Variants in ZNF264 observed in about 807,000 individuals in gnomAD.
ZNF264 encodes the protein zinc finger protein 264.
ZNF264 carries 11 observed loss-of-function variants against 11.2 expected under a neutral mutation model. The ratio of observed to expected loss-of-function variants is 0.98; its 90% CI spans 0.62 to 1.63. The LOEUF (loss-of-function observed/expected upper bound fraction) is 1.63, where lower values mean the gene tolerates loss of function less well. Among genes scored for constraint, ZNF264 ranks in the 40% most tolerant of loss-of-function variants. The pLI is 0.00. For synonymous variants in ZNF264, 309 were observed against 279.8 expected, an observed-to-expected ratio of 1.10 and a Z score of -1.04; for missense variants, 752 against 768.1, an observed-to-expected ratio of 0.98 and a Z score of 0.25.
intron 2 of ZNF264, among the ~76,000 whole-genome samples, chr19:57,195,267 T>A (rs1016183327): frequency 6.6e-6 from 1 of 152,244 alleles, no homozygotes; most frequent in Admixed American, 6.5e-5. Flanking sequence ...TAAATGCTGA[T>A]ATGAAGTCAG....
In ZNF264 at chr19:57,216,679, CA is replaced by C. The variant is rs1259018609; in HGVS notation, c.*3699del. On this transcript the variant is annotated 3_prime_UTR_variant, in exon 4 of 4. Transcript: ENST00000263095. ...TCAGTTTCTTTGAACAGCATATACT[CA>C]GGCCATGCTTTTTTTATTCATTCTG... is the stretch of plus-strand genomic sequence containing the variant. 1 of 150,774 alleles carries C rather than the reference CA, an allele frequency of 6.6e-6. No homozygotes were observed. The highest frequency in any genetic ancestry group is 1.5e-5 in the Non-Finnish European group (1 of 67,404). 9.3% of individuals were successfully genotyped at this position (150,774 alleles called of 1,614,324 possible).
rs1482583254 is a variant in ZNF264, at chr19:57,214,065, G to A, written c.*1084G>A. The A allele has an allele frequency of 2.0e-5, 3 of 152,044 alleles. No individual in the cohort carries two copies. The South Asian group carries it at 6.2e-4, about 32-fold the overall frequency. 9.4% of individuals were successfully genotyped at this position (152,044 alleles called of 1,614,324 possible). On this transcript the variant is annotated 3_prime_UTR_variant, in exon 4 of 4. Coordinates refer to ENST00000263095, the MANE Select transcript of ZNF264 (RefSeq NM_003417.5). Reference sequence around the variant, plus strand: ...AGTATACAGAAATATAATATTTTTGGACATTGTTTTGCTACCCTGCAACCT... The same window carrying A: ...AGTATACAGAAATATAATATTTTTGAACATTGTTTTGCTACCCTGCAACCT...
In ZNF264 at chr19:57,191,764, C is replaced by T. The variant is rs977207983; in HGVS notation, c.-150C>T. 16 of 522,582 alleles carry T rather than the reference C, an allele frequency of 3.1e-5. No individual in the cohort carries two copies. The highest frequency in any genetic ancestry group is 3.5e-5 in the Non-Finnish European group (12 of 338,448). The allele number at this position is 522,582 out of a possible 1,614,324, so 32.4% of individuals were successfully genotyped here. A position where few individuals can be genotyped will look rare whatever the true frequency, so the allele number is the denominator to read the frequency against. On this transcript the variant is annotated 5_prime_UTR_variant, in exon 1 of 4. Coordinates refer to ENST00000263095, the MANE Select transcript of ZNF264 (RefSeq NM_003417.5). ...GGTTGCCACCGAGGAGGCGGCGGCC[C>T]TGCGTCTGGAACGCCGTTGCCACCG...
intron 2 of ZNF264, among the ~76,000 whole-genome samples, chr19:57,196,717 A>G (rs2087214229): frequency 1.3e-5 from 2 of 151,932 alleles, no homozygotes; most frequent in East Asian, 3.8e-4. Flanking sequence ...GAGGTCTTCC[A>G]TTGGTGAGCA....
intron 2 of ZNF264, among the ~76,000 whole-genome samples, chr19:57,200,345 A>G (rs1410905027): frequency 1.3e-5 from 2 of 151,308 alleles, no homozygotes; most frequent in Non-Finnish European, 1.5e-5. Flanking sequence ...CCATCCCCCA[A>G]ATGCCATCCC....
intron 2 of ZNF264, 153 bp downstream of exon 2, chr19:57,194,154 A>G (rs1413343368): frequency 5.5e-6 from 6 of 1,096,232 alleles, no homozygotes; most frequent in Non-Finnish European, 7.7e-6. Flanking sequence ...ACCTCTTCCT[A>G]TCTGGTCTCC....
At chr19:57,206,401 G>A (rs2087292900) in intron 3 of ZNF264, among the ~76,000 whole-genome samples, 1 of 150,470 alleles carries the variant, frequency 6.6e-6, no homozygotes, top group South Asian at 2.1e-4. Flanking sequence ...CCGCCACCAC[G>A]CCCAGCTAAT....
chr19:57,212,831 T>C lies in ZNF264; in HGVS notation c.1734T>C (p.Ser578=), dbSNP rs767836413. The C allele has an allele frequency of 3.7e-6, 6 of 1,614,200 alleles. No homozygotes were observed. In the South Asian group the frequency reaches 6.6e-5, roughly 18 times the overall value. ...CAGATGTGGGAAGACCTTTTACAAG[T>C]GGACAAACCTCAGTTACCCTTCGAG... The part of the protein sequence containing the change: ...SVTDVGRPFT[S]GQTSVTLREL... Residue 578 remains serine (S), a synonymous_variant, in exon 4 of 4, where the codon AGT becomes AGC. Transcript: ENST00000263095.
At chr19:57,194,700 C>A (rs1015517772) in intron 2 of ZNF264, 2 of 396,836 alleles carry the variant, frequency 5.0e-6, no homozygotes, top group African/African-American at 4.1e-5. Flanking sequence ...TTAGATGGTG[C>A]CCACCCAGAT....
At chr19:57,203,620 T>C (rs1348319891) in intron 2 of ZNF264, among the ~76,000 whole-genome samples, 43 of 152,188 alleles carry the variant, frequency 2.8e-4, no homozygotes, top group Admixed American at 2.7e-3. Flanking sequence ...AGATACTATT[T>C]GATGTTTCTG....
chr19:57,202,149 G>C (rs2087257839), intron 2 of ZNF264, among the ~76,000 whole-genome samples: 1 of 151,820 alleles, frequency 6.6e-6, no homozygotes, highest in African/African-American at 2.4e-5. Context: ...GGTAGAGGCT[G>C]CAGTGAGCCA....
At chr19:57,202,945 C>G (rs1599949279) in intron 2 of ZNF264, among the ~76,000 whole-genome samples, 1 of 149,336 alleles carries the variant, frequency 6.7e-6, no homozygotes, top group African/African-American at 2.6e-5. Flanking sequence ...CGAAGCTATC[C>G]CTGCGTGGAT....
chr19:57,191,809 C>A lies in ZNF264; in HGVS notation c.-105C>A. On this transcript the variant is annotated 5_prime_UTR_variant, in exon 1 of 4. Coordinates refer to ENST00000263095, the MANE Select transcript of ZNF264 (RefSeq NM_003417.5). ...CCACCGAGGAGGCGGCGGCCCCGAGCGCGCCTGGAAGCCCCGGGCAACCGG... is the reference window on the plus strand; with the variant it reads ...CCACCGAGGAGGCGGCGGCCCCGAGAGCGCCTGGAAGCCCCGGGCAACCGG... 2.2e-6 allele frequency: 2 copies of A among 924,192 alleles called. No individual in the cohort carries two copies. Among genetic ancestry groups the A allele is most frequent in the Non-Finnish European group, 2.8e-6 (2 of 703,830 alleles). The allele number at this position is 924,192 out of a possible 1,614,324, so 57.2% of individuals were successfully genotyped here.
rs1210181118 is a variant in ZNF264, at chr19:57,211,922, C to G, written c.825C>G (p.Thr275=). 2 of 1,613,398 alleles carry G rather than the reference C, an allele frequency of 1.2e-6. No homozygotes were observed. The highest frequency in any genetic ancestry group is 1.3e-5 in the African/African-American group (1 of 74,778). The change falls in exon 4 of 4, where the codon ACC becomes ACG. Residue 275 remains threonine, a synonymous_variant. Transcript: ENST00000263095. ...GKAFNRKSYL[T]QHQRIHSGEK... is the part of the protein sequence containing the mutation. ...CCTTCAACCGCAAGTCATACCTTAC[C>G]CAGCACCAGCGGATTCACAGTGGAG...
rs1173994535 is a variant in ZNF264 at position 57,220,848 on chromosome 19, T to C, written c.*7867T>C. ...TTGTAGACACGGGGTTTCACCATGTTGGCCAGGCTGGTCTCACACTCCTGA... is the reference window on the plus strand; with the variant it reads ...TTGTAGACACGGGGTTTCACCATGTCGGCCAGGCTGGTCTCACACTCCTGA... On this transcript the variant is annotated 3_prime_UTR_variant, in exon 4 of 4. Transcript: ENST00000263095. 1.3e-5 allele frequency: 2 copies of C among 152,236 alleles called. No homozygotes were observed. Among genetic ancestry groups the C allele is most frequent in the African/African-American group, 4.8e-5 (2 of 41,446 alleles). 9.4% of individuals were successfully genotyped at this position (152,236 alleles called of 1,614,324 possible). A position where few individuals can be genotyped will look rare whatever the true frequency, so the allele number is the denominator to read the frequency against.
intron 2 of ZNF264, among the ~76,000 whole-genome samples, chr19:57,197,102 G>A (rs991383146): frequency 3.9e-5 from 6 of 152,002 alleles, no homozygotes; most frequent in East Asian, 3.9e-4. Context: ...TCCGTCAACC[G>A]ATCATAGGGA....
chr19:57,191,856 G>A lies in ZNF264; in HGVS notation c.-58G>A. 2.4e-6 allele frequency: 3 copies of A among 1,266,352 alleles called. No homozygotes were observed. Among genetic ancestry groups the A allele is most frequent in the South Asian group, 2.6e-5 (1 of 38,038 alleles). 78.4% of individuals were successfully genotyped at this position (1,266,352 alleles called of 1,614,324 possible). A position where few individuals can be genotyped will look rare whatever the true frequency, so the allele number is the denominator to read the frequency against. On this transcript the variant is annotated 5_prime_UTR_variant, in exon 1 of 4. Coordinates refer to ENST00000263095, the MANE Select transcript of ZNF264 (RefSeq NM_003417.5). ...CCGGCCAGGGTCGGGCACAGGTGGG[G>A]TCCGTCAGGCCGCCCGGGGCTCCTC...
At position 57,191,627 on chromosome 19, in the gene ZNF264, G is replaced by C. The variant is rs2087173172; in HGVS notation, c.-287G>C. On this transcript the variant is annotated 5_prime_UTR_variant, in exon 1 of 4. Coordinates refer to ENST00000263095, the MANE Select transcript of ZNF264 (RefSeq NM_003417.5). Reference sequence around the variant, plus strand: ...AGGAATCCCCGCCGCACCTTTGTACGAGCCTGACCCCTTCCGTGGGTTTGT... The same window carrying C: ...AGGAATCCCCGCCGCACCTTTGTACCAGCCTGACCCCTTCCGTGGGTTTGT... 5 of 371,448 alleles carry C rather than the reference G, an allele frequency of 1.3e-5. No individual in the cohort carries two copies. The South Asian group carries it at 6.8e-4, about 51-fold the overall frequency. The allele number at this position is 371,448 out of a possible 1,614,324, so 23.0% of individuals were successfully genotyped here.
Position 57,212,905 on chromosome 19 carries a change from T to G in ZNF264, c.1808T>G (p.Ile603Ser), listed in dbSNP as rs1348947387. ...TTGAATGTAACCACTGAGGCAAATA[T>G]TTTGCCAGAGGAAACATCTTCCTCT... Reference protein sequence around the residue: ...DFLNVTTEANILPEETSSSAS... With the variant: ...DFLNVTTEANSLPEETSSSAS... Residue 603 changes from isoleucine to serine, a missense_variant, in exon 4 of 4, where the codon ATT (isoleucine) becomes AGT (serine). Transcript: ENST00000263095. 8 of 1,614,114 alleles carry G rather than the reference T, an allele frequency of 5.0e-6. No homozygotes were observed. Among genetic ancestry groups the G allele is most frequent in the Middle Eastern group, 3.3e-4 (2 of 6,062 alleles).
Sources: allele counts gnomAD v4.1 joint callset (sites outside exome capture counted in the v4.1 genomes callset), GRCh38; gene constraint gnomAD v4.1.1; transcripts MANE v1.5; gene names NCBI Gene and HGNC (gene_info 2026-07-23, HGNC 2026-07-21).